The following ARHGAP15 variants were observed in gnomAD, a reference collection of about 807,000 sequenced individuals.
ARHGAP15 encodes rho GTPase-activating protein 15.
Under a neutral mutation model 63.7 loss-of-function variants are expected in ARHGAP15, and 51 were observed. The observed-to-expected ratio is 0.80, with a 90% CI of 0.64 to 1.01. The LOEUF is 1.01. Ranked by LOEUF, ARHGAP15 falls within the 50% of genes least tolerant of loss-of-function variation. The probability of loss-of-function intolerance (pLI) is 0.00; values close to 1 mark genes in which losing one functional copy is unlikely to be tolerated. For synonymous variants in ARHGAP15, 191 were observed against 193.8 expected (o/e 0.99, Z 0.12); for missense variants, 560 against 564.6 (o/e 0.99, Z 0.08).
intron 12 of ARHGAP15, among the ~76,000 whole-genome samples, chr2:143,655,427 G>A (rs932416713): frequency 6.6e-6 from 1 of 151,828 alleles, no homozygotes; most frequent in Non-Finnish European, 1.5e-5. Flanking sequence ...CAGACACAGT[G>A]TGGTAATCAA....
chr2:143,448,083 T>C (rs1417848818), intron 8 of ARHGAP15, among the ~76,000 whole-genome samples: 1 of 152,120 alleles, frequency 6.6e-6, no homozygotes. Flanking sequence ...TAGCAGTTTT[T>C]CAGATGGAGA....
chr2:143,652,543 A>C (rs1168004940), intron 12 of ARHGAP15, among the ~76,000 whole-genome samples: 1 of 152,110 alleles, frequency 6.6e-6, no homozygotes, highest in Non-Finnish European at 1.5e-5. Context: ...CATTTTCACA[A>C]TATAGGGTTT....
intron 11 of ARHGAP15, chr2:143,563,919 T>C (rs1696122895): frequency 6.6e-6 from 1 of 152,344 alleles, no homozygotes; most frequent in Middle Eastern, 3.4e-3. Context: ...GCAATACAAA[T>C]TTATTATCTC....
intron 13 of ARHGAP15, among the ~76,000 whole-genome samples, chr2:143,753,893 C>T (rs926135027): frequency 2.6e-5 from 4 of 152,154 alleles, no homozygotes; most frequent in African/African-American, 9.7e-5. Context: ...ATTACAGGCC[C>T]TTAAGTTCTC....
chr2:143,195,659 C>T (rs1364145651), intron 2 of ARHGAP15, among the ~76,000 whole-genome samples: 1 of 152,170 alleles, frequency 6.6e-6, no homozygotes, highest in Non-Finnish European at 1.5e-5. Context: ...TTTATTGCTG[C>T]TTTTCATCCA....
chr2:143,447,920 A>C (rs1322930179), intron 8 of ARHGAP15, among the ~76,000 whole-genome samples: 2 of 152,170 alleles, frequency 1.3e-5, no homozygotes, highest in Non-Finnish European at 1.5e-5. Context: ...CTCCAGAAGC[A>C]GTCCCTGAGA....
intron 8 of ARHGAP15, among the ~76,000 whole-genome samples, chr2:143,451,386 A>T (rs541637749): frequency 4.6e-5 from 7 of 152,100 alleles, no homozygotes; most frequent in Non-Finnish European, 1.0e-4. Flanking sequence ...AGCCATCTAG[A>T]AAGTAGCACT....
intron 5 of ARHGAP15, chr2:143,238,015 T>TA (rs1693721657): frequency 6.6e-6 from 1 of 152,104 alleles, no homozygotes; most frequent in Admixed American, 6.6e-5. Context: ...GTATATGGTG[T>TA]AAGGAAGGGG....
At chr2:143,258,947 A>G (rs1203678119) in intron 6 of ARHGAP15, among the ~76,000 whole-genome samples, 1 of 152,186 alleles carries the variant, frequency 6.6e-6, no homozygotes, top group Admixed American at 6.6e-5. Flanking sequence ...AAATTGCTGA[A>G]GCACCTTGAA....
intron 6 of ARHGAP15, among the ~76,000 whole-genome samples, chr2:143,315,312 A>G (rs1209480926): frequency 6.6e-6 from 1 of 152,194 alleles, no homozygotes; most frequent in Non-Finnish European, 1.5e-5. Context: ...TATAGAATAT[A>G]TTTTAGAAGG....
intron 11 of ARHGAP15, among the ~76,000 whole-genome samples, chr2:143,599,606 T>A (rs1490194334): frequency 6.6e-6 from 1 of 151,968 alleles, no homozygotes; most frequent in East Asian, 1.9e-4. Context: ...AAACAAATAA[T>A]ACATGAGAAA....
At chr2:143,764,725 T>G (rs1160393785) in intron 13 of ARHGAP15, among the ~76,000 whole-genome samples, 3 of 152,114 alleles carry the variant, frequency 2.0e-5, no homozygotes, top group Non-Finnish European at 4.4e-5. Flanking sequence ...CCTTTGTGGG[T>G]CTCAGTTTTG....
chr2:143,222,195 T>C (rs1693030029), intron 4 of ARHGAP15, among the ~76,000 whole-genome samples: 1 of 152,206 alleles, frequency 6.6e-6, no homozygotes, highest in African/African-American at 2.4e-5. Flanking sequence ...ACCAACCAGT[T>C]TGAGAATGAG....
intron 8 of ARHGAP15, among the ~76,000 whole-genome samples, chr2:143,480,254 A>C (rs1006518971): frequency 6.6e-6 from 1 of 152,228 alleles, no homozygotes; most frequent in Non-Finnish European, 1.5e-5. Context: ...GTAGCCATGA[A>C]ATTTTCCTAT....
intron 12 of ARHGAP15, among the ~76,000 whole-genome samples, chr2:143,681,028 T>C (rs114603655): frequency 0.015 from 2,310 of 152,332 alleles, 27 homozygotes; most frequent in Middle Eastern, 0.024. Flanking sequence ...AAAGACACCA[T>C]AGCACAAAGA....
chr2:143,673,722 T>TTGTGTGTGTG lies in ARHGAP15; in HGVS notation c.1139-29669_1139-29660dup, dbSNP rs70982878. On this transcript the variant is annotated intron_variant, in intron 12 of 13. Coordinates refer to ENST00000295095, the MANE Select transcript of ARHGAP15 (RefSeq NM_018460.4). ...ACAAATATCTGATAAAGGCCTTATA[T>TTGTGTGTGTG]TGTGTGTGTGTGTGTGTGTGTGTGT... 2.9e-4 allele frequency among the ~76,000 whole-genome samples: 16 copies of TTGTGTGTGTG among 54,658 alleles called. 1 individual carries two copies. Among genetic ancestry groups the TTGTGTGTGTG allele is most frequent in the East Asian group, 1.6e-3 (2 of 1,226 alleles). The allele number at this position is 54,658 out of a possible 152,430, so 35.9% of individuals were successfully genotyped here.
chr2:143,187,306 T>C (rs1691490721), intron 2 of ARHGAP15, among the ~76,000 whole-genome samples: 1 of 152,176 alleles, frequency 6.6e-6, no homozygotes, highest in Non-Finnish European at 1.5e-5. Flanking sequence ...CACATTCCTT[T>C]GCCTTCTCCT....
intron 10 of ARHGAP15, among the ~76,000 whole-genome samples, chr2:143,539,581 C>T (rs1376125438): frequency 6.6e-6 from 1 of 152,012 alleles, no homozygotes; most frequent in East Asian, 1.9e-4. Flanking sequence ...TATGTTGTGT[C>T]TTTGTTCTCG....
chr2:143,287,254 A>G (rs1029784476), intron 6 of ARHGAP15, among the ~76,000 whole-genome samples: 1 of 152,156 alleles, frequency 6.6e-6, no homozygotes, highest in Non-Finnish European at 1.5e-5. Flanking sequence ...GACTTTAATG[A>G]AATGTGCCCC....
Sources: gnomAD v4.1 joint callset for allele counts (sites outside exome capture counted in the v4.1 genomes callset) on GRCh38, gnomAD v4.1.1 for gene constraint, MANE v1.5 for transcripts, NCBI Gene and HGNC (gene_info 2026-07-23, HGNC 2026-07-21) for gene names.